The following EPS15 variants were observed in gnomAD, a reference collection of about 807,000 sequenced individuals.
EPS15 encodes the protein epidermal growth factor receptor pathway substrate 15.
In EPS15, 72 loss-of-function variants were observed where a neutral mutation model predicts 113.8. The ratio of observed to expected loss-of-function variants is 0.63; its 90% CI spans 0.52 to 0.77. EPS15 has a LOEUF of 0.77. Among genes scored for constraint, EPS15 ranks in the 30% least tolerant of loss-of-function variants. The probability of loss-of-function intolerance (pLI) is 0.00; values close to 1 mark genes in which losing one functional copy is unlikely to be tolerated. For missense variants in EPS15, 1,048 were observed against 1,045.8 expected (o/e 1.00, Z -0.03); for synonymous variants, 344 against 363.4 (o/e 0.95, Z 0.61).
intron 21 of EPS15, chr1:51,373,090 A>T (rs935858135): frequency 1.1e-5 from 2 of 183,398 alleles, no homozygotes; most frequent in African/African-American, 4.8e-5. Context: ...CAACAACAAG[A>T]TTGCCAATCA....
intron 2 of EPS15, among the ~76,000 whole-genome samples, chr1:51,477,665 G>A (rs764410661): frequency 6.6e-5 from 10 of 152,006 alleles, no homozygotes; most frequent in Admixed American, 3.3e-4. Context: ...CTTTGTTCTC[G>A]TTGGTTTCAA....
At chr1:51,379,800 G>A (rs1378638503) in intron 21 of EPS15, among the ~76,000 whole-genome samples, 1 of 152,104 alleles carries the variant, frequency 6.6e-6, no homozygotes, top group Non-Finnish European at 1.5e-5. Flanking sequence ...GGTGGCTCAT[G>A]CCTGTAATCC....
At chr1:51,444,796 T>G in intron 11 of EPS15, 93 bp downstream of exon 11, 1 of 1,249,868 alleles carries the variant, frequency 8.0e-7, no homozygotes, top group African/African-American at 1.5e-5. Flanking sequence ...AGATACATTT[T>G]CTCTTCTATT....
chr1:51,391,353 T>C lies in EPS15; in HGVS notation c.2119+3028A>G, dbSNP rs185232162. 4.3e-3 allele frequency among the ~76,000 whole-genome samples: 654 copies of C among 152,002 alleles called. 6 individuals are homozygous for C. The highest frequency in any genetic ancestry group is 0.015 in the African/African-American group (633 of 41,464). On this transcript the variant is annotated intron_variant, in intron 21 of 24. Coordinates refer to ENST00000371733, the MANE Select transcript of EPS15 (RefSeq NM_001981.3). Reference sequence around the variant, plus strand: ...GGGGGAGGGATAGCATTAGGAGATATACCTAATGCTAAATGACGAGTTAAT... The same window carrying C: ...GGGGGAGGGATAGCATTAGGAGATACACCTAATGCTAAATGACGAGTTAAT...
At chr1:51,401,202 A>G in intron 18 of EPS15, 1 of 342,408 alleles carries the variant, frequency 2.9e-6, no homozygotes. Flanking sequence ...CAAAATCTCT[A>G]CTCTCCACAA....
chr1:51,405,846 T>C (rs764762757), intron 16 of EPS15, 59 bp downstream of exon 16: 11 of 1,398,940 alleles, frequency 7.9e-6, no homozygotes, highest in Non-Finnish European at 1.1e-5. Flanking sequence ...ATAATGTCAG[T>C]GAAACTTGGA....
In EPS15 at chr1:51,398,928, G is replaced by A; in HGVS notation, c.2052+104C>T. The A allele has an allele frequency of 3.0e-6, 3 of 999,110 alleles. 1 individual carries two copies. The highest frequency in any genetic ancestry group is 1.8e-5 in the South Asian group (1 of 55,208). The allele number at this position is 999,110 out of a possible 1,614,324, so 61.9% of individuals were successfully genotyped here. ...ACTGAAATTCTTATATGGTCCATTA[G>A]AAGTAATCTAAATGAGGGTTCTTTC... is the stretch of plus-strand genomic sequence containing the variant. On this transcript the variant is annotated intron_variant, in intron 20 of 24. Coordinates refer to ENST00000371733, the MANE Select transcript of EPS15 (RefSeq NM_001981.3).
At chr1:51,378,632 C>T (rs1646859546) in intron 21 of EPS15, among the ~76,000 whole-genome samples, 1 of 152,244 alleles carries the variant, frequency 6.6e-6, no homozygotes, top group South Asian at 2.1e-4. Flanking sequence ...CTTTAAAGCA[C>T]CAATGCACTC....
chr1:51,371,417 C>T (rs1646647301), intron 21 of EPS15, among the ~76,000 whole-genome samples: 1 of 151,946 alleles, frequency 6.6e-6, no homozygotes, highest in Admixed American at 6.6e-5. Flanking sequence ...ATGGTCCTGA[C>T]CCCGTGCAGG....
At chr1:51,497,015 A>G (rs1444537377) in intron 1 of EPS15, among the ~76,000 whole-genome samples, 1 of 152,240 alleles carries the variant, frequency 6.6e-6, no homozygotes, top group East Asian at 1.9e-4. Flanking sequence ...CAAAAATGAA[A>G]GAATGAAATG....
At chr1:51,423,330 T>TC (rs1194334115) in intron 12 of EPS15, 1 of 1,230,876 alleles carries the variant, frequency 8.1e-7, no homozygotes, top group Admixed American at 2.6e-5. Context: ...GCAAAGACCA[T>TC]CCCCCACCTC....
chr1:51,425,165 T>TCA (rs756396904), intron 12 of EPS15, among the ~76,000 whole-genome samples: 11 of 152,166 alleles, frequency 7.2e-5, no homozygotes, highest in Non-Finnish European at 1.0e-4. Flanking sequence ...TTCCAAAGGC[T>TCA]CACAGTTCTG....
At chr1:51,508,886 AGATTT>A (rs907929334) in intron 1 of EPS15, among the ~76,000 whole-genome samples, 3 of 152,224 alleles carry the variant, frequency 2.0e-5, no homozygotes, top group Non-Finnish European at 4.4e-5. Context: ...ATGTTCCTAT[AGATTT>A]ATGTTATCCT....
chr1:51,430,782 C>T (rs894207683), intron 12 of EPS15, among the ~76,000 whole-genome samples: 2 of 151,778 alleles, frequency 1.3e-5, no homozygotes, highest in Non-Finnish European at 2.9e-5. Context: ...TAGTGACACC[C>T]ACATCTCTAT....
At chr1:51,479,140 G>A (rs1021966141) in intron 2 of EPS15, among the ~76,000 whole-genome samples, 1 of 152,122 alleles carries the variant, frequency 6.6e-6, no homozygotes, top group African/African-American at 2.4e-5. Context: ...ATATTTCTTG[G>A]AGGCTTTGTT....
intron 8 of EPS15, among the ~76,000 whole-genome samples, chr1:51,456,082 C>T (rs138646567): frequency 6.6e-5 from 10 of 152,126 alleles, no homozygotes; most frequent in African/African-American, 2.2e-4. Context: ...CACATGGCAA[C>T]AGAAGTTATA....
chr1:51,356,713 A>G lies in EPS15; in HGVS notation c.2678T>C (p.Ile893Thr). Residue 893 changes from isoleucine to threonine, a missense_variant, in exon 25 of 25, where the codon ATA becomes ACA. Physicochemically the swap from Ile to Thr is moderately conservative, Grantham distance 89 (BLOSUM62 -1). Transcript: ENST00000371733. Reference protein sequence around the residue: ...ELAIALSKSEISEA With the variant: ...ELAIALSKSETSEA Reference sequence around the variant, plus strand: ...CAAGAGAATTCTTCATGCTTCTGATATCTCAGATTTGCTGAGTGCAATAGC... The same window carrying G: ...CAAGAGAATTCTTCATGCTTCTGATGTCTCAGATTTGCTGAGTGCAATAGC... 1 of 1,613,758 alleles carries G rather than the reference A, an allele frequency of 6.2e-7. No homozygotes were observed.
chr1:51,510,892 C>T (rs1236555439), intron 1 of EPS15, among the ~76,000 whole-genome samples: 1 of 152,138 alleles, frequency 6.6e-6, no homozygotes, highest in African/African-American at 2.4e-5. Context: ...AGGCCGGGCA[C>T]GATGGCTCAC....
intron 21 of EPS15, among the ~76,000 whole-genome samples, chr1:51,386,774 G>T (rs1338148538): frequency 6.6e-6 from 1 of 152,142 alleles, no homozygotes. Flanking sequence ...AGAGAAAAAA[G>T]AATAAAAAGA....
Sources: allele counts gnomAD v4.1 joint callset (sites outside exome capture counted in the v4.1 genomes callset), GRCh38; gene constraint gnomAD v4.1.1; transcripts MANE v1.5; gene names NCBI Gene and HGNC (gene_info 2026-07-23, HGNC 2026-07-21).